The following SRRM3 variants were observed in gnomAD, a reference collection of about 807,000 sequenced individuals.
SRRM3 encodes serine/arginine repetitive matrix 3.
Under a neutral mutation model 66.2 loss-of-function variants are expected in SRRM3, and 27 were observed. That is an observed-to-expected ratio of 0.41 (90% CI 0.30 to 0.56). The LOEUF is 0.56. Among genes scored for constraint, SRRM3 ranks in the 20% least tolerant of loss-of-function variants. The pLI is 0.32. For missense variants in SRRM3, 918 were observed against 991.9 expected (o/e 0.93, Z 1.00); for synonymous variants, 391 against 414.9 (o/e 0.94, Z 0.70).
intron 12 of SRRM3, 144 bp from the exon 13 acceptor site, chr7:76,282,504 G>A (rs1554612074): frequency 3.7e-5 from 16 of 433,390 alleles, no homozygotes; most frequent in Non-Finnish European, 3.9e-6. Flanking sequence ...TAGGCTCCGC[G>A]TTCACTGCGC....
At chr7:76,245,140 T>G (rs1475213745) in intron 2 of SRRM3, among the ~76,000 whole-genome samples, 3 of 152,228 alleles carry the variant, frequency 2.0e-5, no homozygotes, top group Non-Finnish European at 4.4e-5. Context: ...AGTCAAATCT[T>G]TGCCATGATT....
intron 11 of SRRM3, among the ~76,000 whole-genome samples, chr7:76,271,782 T>C (rs1263680622): frequency 6.6e-6 from 1 of 152,186 alleles, no homozygotes; most frequent in African/African-American, 2.4e-5. Context: ...TGGGAGGTGG[T>C]TGCTGGTTGA....
intron 3 of SRRM3, among the ~76,000 whole-genome samples, chr7:76,258,272 C>T (rs1801762771): frequency 6.6e-6 from 1 of 151,954 alleles, no homozygotes; most frequent in Admixed American, 6.6e-5. Flanking sequence ...AGAGGCCGGG[C>T]TGGAGGAAAG....
chr7:76,235,143 G>A lies in SRRM3; in HGVS notation c.77G>A (p.Ser26Asn). The change falls in exon 2 of 15, where the codon AGC (serine) becomes AAC (asparagine). Residue 26 changes from serine to asparagine, a missense_variant. By Grantham distance (46) the Ser-to-Asn change is conservative. Transcript: ENST00000611745. ...PDAANGFPQPSSSSGTWPRAE... is the reference protein window; with the variant it reads ...PDAANGFPQPNSSSGTWPRAE... ...GCCGCGAACGGCTTCCCGCAGCCCAGCTCCTCCTCGGGGACCTGGCCGCGG... is the reference window on the plus strand; with the variant it reads ...GCCGCGAACGGCTTCCCGCAGCCCAACTCCTCCTCGGGGACCTGGCCGCGG... The A allele has an allele frequency of 6.4e-7, 1 of 1,565,144 alleles. No individual in the cohort carries two copies. Among genetic ancestry groups the A allele is most frequent in the South Asian group, 1.2e-5 (1 of 86,028 alleles).
chr7:76,267,175 G>A (rs1189343220), intron 10 of SRRM3, 83 bp from the exon 11 acceptor site: 67 of 1,281,996 alleles, frequency 5.2e-5, no homozygotes, highest in Non-Finnish European at 6.4e-5. Flanking sequence ...CCGTGCTGGG[G>A]AAGGGGGAAA....
chr7:76,254,189 T>G (rs1255747222), intron 3 of SRRM3, among the ~76,000 whole-genome samples: 2 of 141,982 alleles, frequency 1.4e-5, no homozygotes, highest in East Asian at 2.0e-4. Context: ...GTTTTTTGGG[T>G]TTTTTTTTTT....
At chr7:76,246,360 T>A in intron 2 of SRRM3, among the ~76,000 whole-genome samples, 1 of 151,926 alleles carries the variant, frequency 6.6e-6, no homozygotes, top group South Asian at 2.1e-4. Context: ...GGTCAGGAGT[T>A]CATGACCAGC....
chr7:76,243,493 CAG>C (rs1186237892), intron 2 of SRRM3, among the ~76,000 whole-genome samples: 1 of 152,188 alleles, frequency 6.6e-6, no homozygotes, highest in African/African-American at 2.4e-5. Flanking sequence ...CCTCAACAGA[CAG>C]GTGCTGGAGT....
Position 76,267,311 on chromosome 7 carries a change from G to A in SRRM3, c.884G>A (p.Ser295Asn). The A allele has an allele frequency of 6.5e-7, 1 of 1,550,160 alleles. No homozygotes were observed. Residue 295 changes from serine to asparagine, a missense_variant, in exon 11 of 15, where the codon AGC (serine) becomes AAC (asparagine). Physicochemically the swap from Ser to Asn is conservative, Grantham distance 46. Transcript: ENST00000611745. Reference sequence around the variant, plus strand: ...CGAAAGACGGGCAGCCAGCGGTCCAGCGGAAGCCGGTCGCCTTCCCCGTCG... The same window carrying A: ...CGAAAGACGGGCAGCCAGCGGTCCAACGGAAGCCGGTCGCCTTCCCCGTCG... Reference protein sequence around the residue: ...EGRKTGSQRSSGSRSPSPSGG... With the variant: ...EGRKTGSQRSNGSRSPSPSGG...
At chr7:76,234,876 A>C in intron 1 of SRRM3, 152 bp from the exon 2 acceptor site, 1 of 584,370 alleles carries the variant, frequency 1.7e-6, no homozygotes, top group Non-Finnish European at 2.9e-6. Context: ...CAAAGGTGCA[A>C]ACCAGCCGTC....
At chr7:76,237,067 A>G (rs186169262) in intron 2 of SRRM3, among the ~76,000 whole-genome samples, 81 of 152,246 alleles carry the variant, frequency 5.3e-4, no homozygotes, top group African/African-American at 1.9e-3. Flanking sequence ...GGAGATCGAG[A>G]CCAGCCTTGC....
rs115582984 is a variant in SRRM3, at chr7:76,219,891, C to T, written c.-39-15137C>T. ...CACCACTGCACTCCAGCCTGGACAA[C>T]ACAGCGAGATACTGTCTCAAAAACA... On this transcript the variant is annotated intron_variant, in intron 1 of 14. Transcript: ENST00000611745. 6.0e-4 allele frequency among the ~76,000 whole-genome samples: 91 copies of T among 152,242 alleles called. 1 individual carries two copies. Among genetic ancestry groups the T allele is most frequent in the African/African-American group, 2.2e-3 (91 of 41,514 alleles).
chr7:76,248,194 G>A lies in SRRM3; in HGVS notation c.240G>A (p.Ser80=), dbSNP rs782054672. ...CCTCTCTGTGCCCCTGCAGGTATTCGGAGGAGGAGATTCGGCAGAAAGTGG... is the reference window on the plus strand; with the variant it reads ...CCTCTCTGTGCCCCTGCAGGTATTCAGAGGAGGAGATTCGGCAGAAAGTGG... ...LQEMMEEQGY[S]EEEIRQKVGT... Residue 80 remains serine (S), a synonymous_variant, in exon 3 of 15, where the codon TCG becomes TCA. Coordinates refer to ENST00000611745, the MANE Select transcript of SRRM3 (RefSeq NM_001110199.3). 30 of 1,612,870 alleles carry A rather than the reference G, an allele frequency of 1.9e-5. No individual in the cohort carries two copies. The highest frequency in any genetic ancestry group is 5.3e-5 in the African/African-American group (4 of 74,928).
intron 14 of SRRM3, chr7:76,283,952 C>T: frequency 4.1e-6 from 2 of 486,924 alleles, no homozygotes; most frequent in South Asian, 1.8e-4. Context: ...CCTTGCTGGG[C>T]AGCCTTGGGA....
rs1383902406 is a variant in SRRM3 at position 76,211,831 on chromosome 7, T to TTAA, written c.-40+9766_-40+9767insATA. On this transcript the variant is annotated intron_variant, in intron 1 of 14. Coordinates refer to ENST00000611745, the MANE Select transcript of SRRM3 (RefSeq NM_001110199.3). ...ACTATTACTACTATTATTATTATTA[T>TTAA]TATTATTATTATTATTATTATTATT... Among the ~76,000 whole-genome samples, 4 of 140,018 alleles carry TTAA rather than the reference T, an allele frequency of 2.9e-5. No individual in the cohort carries two copies. In the South Asian group the frequency reaches 6.4e-4, roughly 22 times the overall value. 91.9% of individuals were successfully genotyped at this position (140,018 alleles called of 152,430 possible). A position where few individuals can be genotyped will look rare whatever the true frequency, so the allele number is the denominator to read the frequency against.
At chr7:76,253,629 T>TA (rs1452907390) in intron 3 of SRRM3, among the ~76,000 whole-genome samples, 6 of 147,332 alleles carry the variant, frequency 4.1e-5, no homozygotes, top group Non-Finnish European at 6.0e-5. Flanking sequence ...TCAAAAAAAT[T>TA]AAAAAAATAA....
chr7:76,275,957 G>A (rs1554611066), intron 11 of SRRM3, among the ~76,000 whole-genome samples: 1 of 152,080 alleles, frequency 6.6e-6, no homozygotes, highest in Non-Finnish European at 1.5e-5. Context: ...GTGTGTACCT[G>A]TAGACCCAGC....
At chr7:76,212,746 G>A (rs1554601903) in intron 1 of SRRM3, among the ~76,000 whole-genome samples, 1 of 152,184 alleles carries the variant, frequency 6.6e-6, no homozygotes, top group East Asian at 1.9e-4. Context: ...AGGGATTACA[G>A]GCGTGAGCCA....
chr7:76,239,315 T>C (rs2117007410), intron 2 of SRRM3, among the ~76,000 whole-genome samples: 1 of 152,284 alleles, frequency 6.6e-6, no homozygotes, highest in South Asian at 2.1e-4. Context: ...ATTACAGGTG[T>C]GAACCACCGC....
Sources: gnomAD v4.1 joint callset for allele counts (sites outside exome capture counted in the v4.1 genomes callset) on GRCh38, gnomAD v4.1.1 for gene constraint, MANE v1.5 for transcripts, NCBI Gene and HGNC (gene_info 2026-07-23, HGNC 2026-07-21) for gene names.